SLC16A7: variants seen among roughly 807,000 people sequenced by gnomAD.
SLC16A7 encodes the protein solute carrier family 16 member 7, also known as monocarboxylate transporter 2.
Under a neutral mutation model 34.9 loss-of-function variants are expected in SLC16A7, and 33 were observed. That is an observed-to-expected ratio of 0.94 (90% CI 0.72 to 1.26). SLC16A7 has a LOEUF of 1.26. SLC16A7 is among the 50% of genes most tolerant of loss of function. The pLI is 0.00. For missense variants in SLC16A7, 573 were observed against 578.1 expected (o/e 0.99, Z 0.09); for synonymous variants, 201 against 206.6 (o/e 0.97, Z 0.23).
In SLC16A7 at chr12:59,696,769, C is replaced by A. The variant is rs140566246; in HGVS notation, c.-30-8003C>A. 1.4e-3 allele frequency among the ~76,000 whole-genome samples: 209 copies of A among 151,926 alleles called. 1 individual carries two copies. Among genetic ancestry groups the A allele is most frequent in the Middle Eastern group, 6.8e-3 (2 of 294 alleles). ...TTTGGAATTGATTGGTTCTGGGTCT[C>A]TTTTCTAATGGATCAGTTAAGAGAT... On this transcript the variant is annotated intron_variant, in intron 2 of 5. Coordinates refer to ENST00000547379, the MANE Select transcript of SLC16A7 (RefSeq NM_001270623.2).
intron 3 of SLC16A7, among the ~76,000 whole-genome samples, chr12:59,745,722 G>T (rs1803497227): frequency 6.6e-6 from 1 of 152,166 alleles, no homozygotes; most frequent in Non-Finnish European, 1.5e-5. Flanking sequence ...TTATATTTAA[G>T]ATTAATTTTG....
chr12:59,658,686 C>T (rs541268048), intron 2 of SLC16A7, among the ~76,000 whole-genome samples: 2 of 152,126 alleles, frequency 1.3e-5, no homozygotes, highest in South Asian at 4.1e-4. Context: ...CTAAGCCACT[C>T]ACTGTGTCCT....
At chr12:59,704,616 C>T (rs1873342201) in intron 2 of SLC16A7, among the ~76,000 whole-genome samples, 156 bp from the exon 3 acceptor site, 1 of 152,082 alleles carries the variant, frequency 6.6e-6, no homozygotes, top group Non-Finnish European at 1.5e-5. Flanking sequence ...TGTTTTTGTA[C>T]ATTTTCTGGT....
At chr12:59,719,754 C>G (rs1282089279) in intron 3 of SLC16A7, 1 of 250,954 alleles carries the variant, frequency 4.0e-6, no homozygotes, top group Non-Finnish European at 7.5e-6. Flanking sequence ...CCATCCCCAC[C>G]TCCACCCTCC....
chr12:59,604,776 C>T (rs1878856022), intron 1 of SLC16A7, among the ~76,000 whole-genome samples: 2 of 152,126 alleles, frequency 1.3e-5, no homozygotes, highest in Admixed American at 1.3e-4. Context: ...TGTACCTTTT[C>T]AATAGTATTA....
chr12:59,694,011 T>C (rs1440784717), intron 2 of SLC16A7, among the ~76,000 whole-genome samples: 5 of 151,892 alleles, frequency 3.3e-5, no homozygotes. Context: ...ATTATGAAAA[T>C]AAATTATTTG....
chr12:59,775,246 C>T lies in SLC16A7; in HGVS notation c.951C>T (p.Phe317=), dbSNP rs1490683240. The T allele has an allele frequency of 6.8e-6, 11 of 1,614,134 alleles. No homozygotes were observed. The highest frequency in any genetic ancestry group is 2.2e-5 in the East Asian group (1 of 44,884). ...KYIRPRIQYF[F]SFAIMFNGVC... ...TTCGACCTCGAATTCAGTACTTCTT[C>T]AGTTTTGCAATCATGTTCAATGGAG... The change falls in exon 5 of 6, where the codon TTC becomes TTT. Residue 317 remains phenylalanine (F), a synonymous_variant. Transcript: ENST00000547379.
intron 3 of SLC16A7, among the ~76,000 whole-genome samples, chr12:59,759,146 T>C (rs972935088): frequency 2.0e-5 from 3 of 152,072 alleles, no homozygotes; most frequent in Non-Finnish European, 4.4e-5. Flanking sequence ...GGAACTTTTA[T>C]CCTTCAGAAT....
intron 3 of SLC16A7, chr12:59,720,057 C>A (rs1414735600): frequency 5.7e-6 from 4 of 698,438 alleles, no homozygotes; most frequent in Non-Finnish European, 1.0e-5. Context: ...CATGACTATA[C>A]CTTTCTTTTC....
At chr12:59,613,529 T>G (rs1386636864) in intron 1 of SLC16A7, among the ~76,000 whole-genome samples, 1 of 152,202 alleles carries the variant, frequency 6.6e-6, no homozygotes, top group African/African-American at 2.4e-5. Context: ...CTAATAGTAT[T>G]ACAGTATGAG....
chr12:59,637,690 C>T (rs900609465), intron 1 of SLC16A7, among the ~76,000 whole-genome samples: 10 of 152,052 alleles, frequency 6.6e-5, no homozygotes, highest in South Asian at 2.1e-4. Context: ...TTTATGTTTA[C>T]GTTCTCTTGT....
In SLC16A7 at chr12:59,596,415, G is replaced by A. The variant is rs1337443328; in HGVS notation, c.-130+179G>A. On this transcript the variant is annotated intron_variant, in intron 1 of 5. Coordinates refer to ENST00000547379, the MANE Select transcript of SLC16A7 (RefSeq NM_001270623.2). The surrounding 1 kb of genome is among the most constrained non-coding windows in gnomAD (Gnocchi z 5.0). The stretch of plus-strand genomic sequence containing the variant: ...GAGTTGGCCAGCGAGCCCTTATATA[G>A]ACAAAAAAATCCCGAAGCGGCCGCG... 2.0e-5 allele frequency among the ~76,000 whole-genome samples: 3 copies of A among 151,826 alleles called. No individual in the cohort carries two copies. The highest frequency in any genetic ancestry group is 7.3e-5 in the African/African-American group (3 of 41,160).
intron 1 of SLC16A7, among the ~76,000 whole-genome samples, chr12:59,599,219 G>A (rs1285195758): frequency 2.0e-5 from 3 of 152,170 alleles, no homozygotes; most frequent in African/African-American, 7.2e-5. Flanking sequence ...GAACTAGAGG[G>A]AAGGAGGAAG....
intron 1 of SLC16A7, among the ~76,000 whole-genome samples, chr12:59,654,026 G>T (rs969198358): frequency 2.0e-5 from 3 of 151,422 alleles, no homozygotes; most frequent in African/African-American, 7.3e-5. Context: ...TAAAGAATCA[G>T]CAGGGATCTG....
intron 3 of SLC16A7, among the ~76,000 whole-genome samples, chr12:59,756,293 A>G (rs1253790245): frequency 6.6e-6 from 1 of 152,234 alleles, no homozygotes; most frequent in Non-Finnish European, 1.5e-5. Flanking sequence ...GCAGAGCAAA[A>G]CAAACTACCA....
In SLC16A7 at chr12:59,785,254, T is replaced by G. The variant is rs936562863; in HGVS notation, c.*5575T>G. The G allele has an allele frequency of 6.6e-6, 1 of 152,168 alleles. No individual in the cohort carries two copies. The highest frequency in any genetic ancestry group is 2.4e-5 in the African/African-American group (1 of 41,444). The allele number at this position is 152,168 out of a possible 1,614,324, so 9.4% of individuals were successfully genotyped here. ...ATTTTCTCTTCTTTCCTATCAGTTG[T>G]TTGTACACTGGAGATTTTAGCTCTT... On this transcript the variant is annotated 3_prime_UTR_variant, in exon 6 of 6. Coordinates refer to ENST00000547379, the MANE Select transcript of SLC16A7 (RefSeq NM_001270623.2).
chr12:59,657,457 A>G (rs1191912849), intron 2 of SLC16A7, among the ~76,000 whole-genome samples: 1 of 152,018 alleles, frequency 6.6e-6, no homozygotes, highest in Admixed American at 6.6e-5. Context: ...TAGTAGGGAA[A>G]GTATGCAGCA....
intron 2 of SLC16A7, among the ~76,000 whole-genome samples, chr12:59,694,536 A>C (rs34345196): frequency 6.6e-6 from 1 of 151,738 alleles, no homozygotes; most frequent in Non-Finnish European, 1.5e-5. Flanking sequence ...AAAGAACACA[A>C]CATAAGATCT....
chr12:59,665,438 T>C (rs1869112632), intron 2 of SLC16A7, among the ~76,000 whole-genome samples: 1 of 151,986 alleles, frequency 6.6e-6, no homozygotes, highest in African/African-American at 2.4e-5. Context: ...GTGTACTTTG[T>C]TGAAAAAAAA....
Sources: gnomAD v4.1 joint callset for allele counts (sites outside exome capture counted in the v4.1 genomes callset) on GRCh38, gnomAD v4.1.1 for gene constraint, Gnocchi (gnomAD v3.1) non-coding constraint, MANE v1.5 for transcripts, NCBI Gene and HGNC (gene_info 2026-07-23, HGNC 2026-07-21) for gene names.